Variants in CD44 observed in about 807,000 individuals in gnomAD.
CD44 encodes the protein CD44 antigen.
A neutral mutation model predicts 88.8 loss-of-function variants in CD44; 49 were observed. The ratio of observed to expected loss-of-function variants is 0.55; its 90% CI spans 0.44 to 0.70. CD44 has a LOEUF of 0.70. Among genes scored for constraint, CD44 ranks in the 30% least tolerant of loss-of-function variants. The probability of loss-of-function intolerance (pLI) is 0.00; values close to 1 mark genes in which losing one functional copy is unlikely to be tolerated. For missense variants in CD44, 883 were observed against 913.8 expected (o/e 0.97, Z 0.43); for synonymous variants, 325 against 312.3 (o/e 1.04, Z -0.43).
intron 1 of CD44, among the ~76,000 whole-genome samples, chr11:35,167,602 T>C (rs899690988): frequency 1.3e-5 from 2 of 152,160 alleles, no homozygotes; most frequent in Admixed American, 6.5e-5. Flanking sequence ...AATAAAAAAT[T>C]TGGAGAGCTT....
rs569007553 is a variant in CD44, at chr11:35,219,107, C to T, written c.1874-209C>T. On this transcript the variant is annotated intron_variant, in intron 15 of 17. Transcript: ENST00000428726. ...TGCTGAGAATTCTCATGTTCCTTGA[C>T]ACAAAATAACATTACTAAGCCTTAG... is the stretch of plus-strand genomic sequence containing the variant. 8.9e-6 allele frequency: 5 copies of T among 561,930 alleles called. No homozygotes were observed. In the Admixed American group the frequency reaches 1.5e-4, roughly 17 times the overall value. The allele number at this position is 561,930 out of a possible 1,614,324, so 34.8% of individuals were successfully genotyped here. A position where few individuals can be genotyped will look rare whatever the true frequency, so the allele number is the denominator to read the frequency against.
At position 35,228,999 on chromosome 11, in the gene CD44, A is replaced by C; in HGVS notation, c.2025-130A>C. On this transcript the variant is annotated intron_variant, in intron 17 of 17. Transcript: ENST00000428726. ...TGTTAAAGTAGAGAAAACCCCTAGCACAGTGCTTGGCACACACTAAAGCCA... is the reference window on the plus strand; with the variant it reads ...TGTTAAAGTAGAGAAAACCCCTAGCCCAGTGCTTGGCACACACTAAAGCCA... 4.0e-6 allele frequency: 3 copies of C among 750,620 alleles called. No homozygotes were observed. In the South Asian group the frequency reaches 5.5e-5, roughly 14 times the overall value. The allele number at this position is 750,620 out of a possible 1,614,324, so 46.5% of individuals were successfully genotyped here.
chr11:35,182,338 A>G (rs1465035990), intron 3 of CD44, among the ~76,000 whole-genome samples: 1 of 152,098 alleles, frequency 6.6e-6, no homozygotes, highest in Admixed American at 6.6e-5. Context: ...AGGACAAAGT[A>G]TCAGGGCTGG....
In CD44 at chr11:35,176,641, C is replaced by T. The variant is rs1193042170; in HGVS notation, c.134C>T (p.Ser45Phe). ...GAGAAAAATGGTCGCTACAGCATCT[C>T]TCGGACGGAGGCCGCTGACCTCTGC... ...HVEKNGRYSISRTEAADLCKA... is the reference protein window; with the variant it reads ...HVEKNGRYSIFRTEAADLCKA... The change falls in exon 2 of 18, where the codon TCT (serine) becomes TTT (phenylalanine). Residue 45 changes from serine to phenylalanine, a missense_variant. By Grantham distance (155) the Ser-to-Phe change is radical. Transcript: ENST00000428726. The T allele has an allele frequency of 1.2e-6, 2 of 1,614,230 alleles. No homozygotes were observed. Among genetic ancestry groups the T allele is most frequent in the Non-Finnish European group, 1.7e-6 (2 of 1,180,008 alleles).
intron 7 of CD44, among the ~76,000 whole-genome samples, chr11:35,199,934 G>GTTTTTT (rs60509735): frequency 1.1e-3 from 102 of 90,838 alleles, no homozygotes; most frequent in African/African-American, 1.6e-3. Flanking sequence ...CCATGGTGTT[G>GTTTTTT]TTTTTTTTTT....
intron 3 of CD44, 74 bp downstream of exon 3, chr11:35,180,481 G>A: frequency 1.3e-6 from 2 of 1,514,760 alleles, no homozygotes; most frequent in Non-Finnish European, 1.8e-6. Context: ...GCTTAAGTGG[G>A]GATTCATGTA....
chr11:35,166,092 G>A (rs1943231299), intron 1 of CD44, among the ~76,000 whole-genome samples: 1 of 152,098 alleles, frequency 6.6e-6, no homozygotes, highest in South Asian at 2.1e-4. Flanking sequence ...CTTGCAAGAG[G>A]AAAAACCCTA....
intron 1 of CD44, among the ~76,000 whole-genome samples, chr11:35,142,927 TC>T (rs1858285089): frequency 6.6e-6 from 1 of 152,002 alleles, no homozygotes; most frequent in Non-Finnish European, 1.5e-5. Flanking sequence ...ACTAGTGACT[TC>T]CCCTCTCTGC....
chr11:35,205,641 G>A (rs754269878), intron 10 of CD44: 2 of 183,102 alleles, frequency 1.1e-5, no homozygotes, highest in Non-Finnish European at 2.1e-5. Context: ...TGAGATAAAT[G>A]GCATTGACTT....
chr11:35,223,494 T>C (rs1471524459), intron 17 of CD44, among the ~76,000 whole-genome samples: 5 of 152,096 alleles, frequency 3.3e-5, no homozygotes, highest in African/African-American at 9.7e-5. Context: ...CTGGAGTCCA[T>C]ACATTGGGGC....
chr11:35,158,581 A>C (rs979512833), intron 1 of CD44, among the ~76,000 whole-genome samples: 3 of 152,204 alleles, frequency 2.0e-5, no homozygotes, highest in Non-Finnish European at 4.4e-5. Context: ...AATTAAGGTC[A>C]TTGTGATGAT....
chr11:35,178,126 T>C (rs902851600), intron 2 of CD44, among the ~76,000 whole-genome samples: 4 of 152,244 alleles, frequency 2.6e-5, no homozygotes, highest in Admixed American at 2.0e-4. Context: ...AGCAAATCCA[T>C]TATTCTATTC....
At chr11:35,220,448 G>A (rs1431843488) in intron 16 of CD44, among the ~76,000 whole-genome samples, 2 of 152,186 alleles carry the variant, frequency 1.3e-5, no homozygotes, top group African/African-American at 4.8e-5. Flanking sequence ...GTAGTGCTGA[G>A]CAGGAAATCA....
intron 17 of CD44, among the ~76,000 whole-genome samples, chr11:35,223,506 G>GGGTATCTC (rs1048603936): frequency 1.2e-4 from 18 of 152,236 alleles, no homozygotes; most frequent in African/African-American, 4.3e-4. Context: ...CATTGGGGCT[G>GGGTATCTC]GGTATCTCCC....
chr11:35,209,927 C>A, intron 12 of CD44, 38 bp from the exon 13 acceptor site: 1 of 1,348,990 alleles, frequency 7.4e-7, no homozygotes, highest in Non-Finnish European at 1.0e-6. Flanking sequence ...TGTACCGTAG[C>A]TTCAAATTAA....
intron 17 of CD44, among the ~76,000 whole-genome samples, chr11:35,221,961 C>T (rs1949339077): frequency 6.6e-6 from 1 of 152,160 alleles, no homozygotes; most frequent in South Asian, 2.1e-4. Flanking sequence ...ACATCTTTCT[C>T]TGCCCCGGTT....
intron 9 of CD44, 106 bp downstream of exon 9, chr11:35,201,893 T>C: frequency 8.6e-7 from 1 of 1,161,382 alleles, no homozygotes; most frequent in Non-Finnish European, 1.2e-6. Flanking sequence ...CTATTTCCAC[T>C]CGGTAATTTC....
intron 7 of CD44, 85 bp from the exon 8 acceptor site, chr11:35,200,997 T>A: frequency 1.0e-6 from 1 of 958,100 alleles, no homozygotes; most frequent in Non-Finnish European, 1.7e-6. Flanking sequence ...TTGCATAGCC[T>A]ACAGAAGCAA....
chr11:35,163,961 C>T (rs1453137203), intron 1 of CD44, among the ~76,000 whole-genome samples: 7 of 151,968 alleles, frequency 4.6e-5, no homozygotes, highest in South Asian at 4.1e-4. Flanking sequence ...TTTCAATGAT[C>T]GCAATAGTAC....
Sources: gnomAD v4.1 joint callset for allele counts (sites outside exome capture counted in the v4.1 genomes callset) on GRCh38, gnomAD v4.1.1 for gene constraint, MANE v1.5 for transcripts, NCBI Gene and HGNC (gene_info 2026-07-23, HGNC 2026-07-21) for gene names.